Variants in C1QTNF5 observed in about 807,000 individuals in gnomAD.
C1QTNF5 encodes complement C1q tumor necrosis factor-related protein 5.
C1QTNF5 carries 5 observed loss-of-function variants against 10.9 expected under a neutral mutation model. The observed-to-expected ratio is 0.46, with a 90% CI of 0.24 to 0.97. The LOEUF (loss-of-function observed/expected upper bound fraction) is 0.97, where lower values mean the gene tolerates loss of function less well. Among genes scored for constraint, C1QTNF5 ranks in the 50% least tolerant of loss-of-function variants. The probability of loss-of-function intolerance (pLI) is 0.19; values close to 1 mark genes in which losing one functional copy is unlikely to be tolerated. For synonymous variants in C1QTNF5, 161 were observed against 156.5 expected, an observed-to-expected ratio of 1.03 and a Z score of -0.22; for missense variants, 281 against 339.4, an observed-to-expected ratio of 0.83 and a Z score of 1.35.
upstream of C1QTNF5, chr11:119,343,820 C>T (rs770382331): frequency 6.2e-7 from 1 of 1,613,812 alleles, no homozygotes; most frequent in South Asian, 1.1e-5. Flanking sequence ...CTGTACCTGC[C>T]CAGGAGGCTG....
upstream of C1QTNF5, chr11:119,341,854 G>T (rs1409892839): frequency 1.2e-6 from 2 of 1,611,388 alleles, no homozygotes; most frequent in African/African-American, 2.7e-5. Context: ...CCACCCAGAA[G>T]ACCTTGTAAC....
At chr11:119,344,497 C>T, upstream of C1QTNF5, 1 of 1,574,578 alleles carries the variant, frequency 6.4e-7, no homozygotes, top group South Asian at 1.1e-5. Context: ...CCATGGGAAA[C>T]AAGTTCTGGG....
upstream of C1QTNF5, among the ~76,000 whole-genome samples, chr11:119,343,383 G>A (rs1950523087): frequency 1.3e-5 from 2 of 152,216 alleles, no homozygotes; most frequent in Non-Finnish European, 2.9e-5. Context: ...TGGGCGTGGT[G>A]GCATGTGCCT....
chr11:119,341,155 GT>G, upstream of C1QTNF5: 3 of 252,298 alleles, frequency 1.2e-5, no homozygotes, highest in South Asian at 1.5e-4. Flanking sequence ...CAGACAGCCA[GT>G]TGGATCCCTA....
At chr11:119,342,005 G>A (rs2135368263), upstream of C1QTNF5, 5 of 1,612,796 alleles carry the variant, frequency 3.1e-6, no homozygotes, top group Non-Finnish European at 3.4e-6. Flanking sequence ...GGAGGGGAGG[G>A]CCACTGTGGG....
At chr11:119,344,024 C>T (rs1368776498), upstream of C1QTNF5, 1 of 1,602,982 alleles carries the variant, frequency 6.2e-7, no homozygotes, top group Admixed American at 1.7e-5. Context: ...TCCCGGGCAC[C>T]CAGAAGGGTC....
chr11:119,345,642 A>T (rs750619200), upstream of C1QTNF5: 1 of 1,613,428 alleles, frequency 6.2e-7, no homozygotes, highest in Non-Finnish European at 8.5e-7. Context: ...GGCTGCAGAG[A>T]TGGAGGTTAG....
chr11:119,339,793 C>G lies in C1QTNF5; in HGVS notation c.270G>C (p.Gly90=). Residue 90 remains glycine (G), a synonymous_variant, in exon 3 of 3, where the codon GGG becomes GGC. Transcript: ENST00000528368. This position sits in a 1 kb window ranked among gnomAD's most constrained non-coding sequence, Gnocchi z 5.4. ...PGPRGEAGPA[G]PTGPAGECSV... is the part of the protein sequence containing the mutation. ...AGCACTCCCCGGCAGGCCCGGTGGG[C>G]CCCGCGGGTCCCGCCTCTCCTCGCG... The G allele has an allele frequency of 6.6e-7, 1 of 1,509,210 alleles. No homozygotes were observed. Among genetic ancestry groups the G allele is most frequent in the Non-Finnish European group, 8.8e-7 (1 of 1,132,986 alleles). 93.5% of individuals were successfully genotyped at this position (1,509,210 alleles called of 1,614,324 possible).
chr11:119,341,357 G>A, upstream of C1QTNF5: 1 of 603,784 alleles, frequency 1.7e-6, no homozygotes, highest in Non-Finnish European at 2.9e-6. Context: ...GACCGGTAAA[G>A]GGACAGGAAG....
At chr11:119,344,848 C>T, upstream of C1QTNF5, 1 of 1,613,430 alleles carries the variant, frequency 6.2e-7, no homozygotes, top group Non-Finnish European at 8.5e-7. Flanking sequence ...AGTGGACACT[C>T]AACAGGCAGG....
In C1QTNF5 at chr11:119,339,243, A is replaced by G; in HGVS notation, c.*88T>C. On this transcript the variant is annotated 3_prime_UTR_variant, in exon 3 of 3. Transcript: ENST00000528368. This position sits in a 1 kb window ranked among gnomAD's most constrained non-coding sequence, Gnocchi z 5.4. ...CCTCCCTAGTCATTCACAATATTCC[A>G]GGGGGGCCAGCCCTCCTGGATGACC... 1 of 1,458,096 alleles carries G rather than the reference A, an allele frequency of 6.9e-7. No homozygotes were observed. The highest frequency in any genetic ancestry group is 9.3e-7 in the Non-Finnish European group (1 of 1,069,814). The allele number at this position is 1,458,096 out of a possible 1,614,324, so 90.3% of individuals were successfully genotyped here. A position where few individuals can be genotyped will look rare whatever the true frequency, so the allele number is the denominator to read the frequency against.
At chr11:119,342,795 T>A, upstream of C1QTNF5, 1 of 1,613,090 alleles carries the variant, frequency 6.2e-7, no homozygotes, top group Non-Finnish European at 8.5e-7. Flanking sequence ...CAGAGTGTCC[T>A]GACCAGGGTC....
chr11:119,339,995 C>A lies in C1QTNF5; in HGVS notation c.215-147G>T, dbSNP rs1481433302. The A allele has an allele frequency of 2.3e-6, 3 of 1,299,226 alleles. No homozygotes were observed. In the East Asian group the frequency reaches 8.4e-5, roughly 36 times the overall value. 80.5% of individuals were successfully genotyped at this position (1,299,226 alleles called of 1,614,324 possible). A position where few individuals can be genotyped will look rare whatever the true frequency, so the allele number is the denominator to read the frequency against. On this transcript the variant is annotated intron_variant, in intron 2 of 2. Coordinates refer to ENST00000528368, the MANE Select transcript of C1QTNF5 (RefSeq NM_001278431.2). This position sits in a 1 kb window ranked among gnomAD's most constrained non-coding sequence, Gnocchi z 5.4. Reference sequence around the variant, plus strand: ...CGCACGGGTACCTCCTCCACCCCTTCCCGCAGGGCAGATCTGGGGGGCTGG... The same window carrying A: ...CGCACGGGTACCTCCTCCACCCCTTACCGCAGGGCAGATCTGGGGGGCTGG...
chr11:119,342,101 G>A, upstream of C1QTNF5: 1 of 1,212,574 alleles, frequency 8.2e-7, no homozygotes, highest in Non-Finnish European at 1.2e-6. Context: ...GTGGTTGTGA[G>A]GAAGCAAGAG....
At chr11:119,340,028 G>A (rs930567091) in intron 2 of C1QTNF5, among the ~76,000 whole-genome samples, 156 bp downstream of exon 2, 2 of 152,180 alleles carry the variant, frequency 1.3e-5, no homozygotes, top group Non-Finnish European at 2.9e-5. Flanking sequence ...TGGCCAAGGG[G>A]GCTCCCGCCG....
the C1QTNF5 span, chr11:119,346,133 C>T: frequency 1.9e-6 from 3 of 1,601,556 alleles, no homozygotes; most frequent in Middle Eastern, 3.3e-4. Flanking sequence ...AAGCGGCAGT[C>T]TGGCCGTAGC....
At chr11:119,340,661 C>A (rs550258065) in intron 1 of C1QTNF5, 34 bp downstream of exon 1, 1 of 514,024 alleles carries the variant, frequency 1.9e-6, no homozygotes. Flanking sequence ...ACAGTCCCCT[C>A]CCCAGCCCCT....
At position 119,340,241 on chromosome 11, in the gene C1QTNF5, C is replaced by T; in HGVS notation, c.157G>A (p.Asp53Asn). The T allele has an allele frequency of 6.6e-7, 1 of 1,513,974 alleles. No individual in the cohort carries two copies. Among genetic ancestry groups the T allele is most frequent in the Non-Finnish European group, 8.8e-7 (1 of 1,134,124 alleles). The allele number at this position is 1,513,974 out of a possible 1,614,324, so 93.8% of individuals were successfully genotyped here. A position where few individuals can be genotyped will look rare whatever the true frequency, so the allele number is the denominator to read the frequency against. ...SQGLPGRDGR[D>N]GRDGAPGAPG... ...GCCCCGGGCGCGCCGTCGCGGCCGT[C>T]GCGGCCATCGCGGCCCGGCAAGCCC... The change falls in exon 2 of 3, where the codon GAC becomes AAC. Residue 53 changes from aspartate to asparagine, a missense_variant. Coordinates refer to ENST00000528368, the MANE Select transcript of C1QTNF5 (RefSeq NM_001278431.2).
rs1950470994 is a variant in C1QTNF5 at position 119,339,267 on chromosome 11, C to A, written c.*64G>T. The stretch of plus-strand genomic sequence containing the variant: ...CAGGGGGGCCAGCCCTCCTGGATGA[C>A]CTGGTTGTCAGCCTCACACCCTCCT... On this transcript the variant is annotated 3_prime_UTR_variant, in exon 3 of 3. Coordinates refer to ENST00000528368, the MANE Select transcript of C1QTNF5 (RefSeq NM_001278431.2). This position sits in a 1 kb window ranked among gnomAD's most constrained non-coding sequence, Gnocchi z 5.4. The A allele has an allele frequency of 1.3e-6, 2 of 1,557,914 alleles. No homozygotes were observed. The highest frequency in any genetic ancestry group is 1.2e-5 in the South Asian group (1 of 84,474).
Sources: gnomAD v4.1 joint callset for allele counts (sites outside exome capture counted in the v4.1 genomes callset) on GRCh38, gnomAD v4.1.1 for gene constraint, Gnocchi (gnomAD v3.1) non-coding constraint, MANE v1.5 for transcripts, NCBI Gene and HGNC (gene_info 2026-07-23, HGNC 2026-07-21) for gene names.